The following MYO16 variants were observed in gnomAD, a reference collection of about 807,000 sequenced individuals.
MYO16 encodes the protein unconventional myosin-XVI.
Under a neutral mutation model 205.3 loss-of-function variants are expected in MYO16, and 94 were observed. The observed-to-expected ratio is 0.46, with a 90% CI of 0.39 to 0.54. The LOEUF (loss-of-function observed/expected upper bound fraction) is 0.54. MYO16 is among the 20% of genes least tolerant of loss of function. MYO16 has a pLI of 0.00. For synonymous variants in MYO16, 988 were observed against 954.0 expected, an observed-to-expected ratio of 1.04 and a Z score of -0.66; for missense variants, 2,315 against 2,387.5, an observed-to-expected ratio of 0.97 and a Z score of 0.63.
chr13:109,101,801 A>C (rs1888975899), intron 28 of MYO16: 1 of 152,222 alleles, frequency 6.6e-6, no homozygotes. Context: ...AGTAGACATA[A>C]ATTGCATCTT....
intron 28 of MYO16, among the ~76,000 whole-genome samples, chr13:109,113,984 G>T (rs1289569993): frequency 6.6e-6 from 1 of 152,204 alleles, no homozygotes; most frequent in Non-Finnish European, 1.5e-5. Flanking sequence ...CGAGCAGTCT[G>T]TATTGAAAGC....
intron 20 of MYO16, among the ~76,000 whole-genome samples, chr13:108,985,739 A>T (rs747033799): frequency 1.3e-5 from 2 of 152,198 alleles, no homozygotes; most frequent in African/African-American, 2.4e-5. Flanking sequence ...CACTATTCTA[A>T]CATCGTGTTT....
intron 4 of MYO16, among the ~76,000 whole-genome samples, chr13:108,743,511 G>T (rs1033265471): frequency 8.5e-5 from 13 of 152,198 alleles, no homozygotes; most frequent in African/African-American, 3.1e-4. Flanking sequence ...GTTGTAGGAG[G>T]AAATATTAGC....
At chr13:108,518,167 G>T in the MYO16 span, among the ~76,000 whole-genome samples, 2 of 152,166 alleles carry the variant, frequency 1.3e-5, no homozygotes, top group Non-Finnish European at 2.9e-5. Flanking sequence ...GGTTTACCGG[G>T]TAAAAGGGTA....
chr13:109,022,997 TTA>T (rs1220315847), intron 23 of MYO16, among the ~76,000 whole-genome samples: 1 of 135,122 alleles, frequency 7.4e-6, no homozygotes, highest in African/African-American at 2.7e-5. Context: ...TATTTATATA[TTA>T]TATATACACA....
At chr13:108,510,277 C>A in the MYO16 span, among the ~76,000 whole-genome samples, 336 of 151,924 alleles carry the variant, frequency 2.2e-3, 2 homozygotes, top group African/African-American at 7.3e-3. Flanking sequence ...CCATCACGCC[C>A]GGCTAATTTT....
intron 5 of MYO16, among the ~76,000 whole-genome samples, chr13:108,791,864 G>A (rs1260435984): frequency 6.6e-6 from 1 of 152,332 alleles, no homozygotes; most frequent in South Asian, 2.1e-4. Context: ...AGACAGTCAT[G>A]TTCAGGAGCA....
At chr13:108,976,946 A>G (rs369612397) in intron 20 of MYO16, among the ~76,000 whole-genome samples, 1 of 152,206 alleles carries the variant, frequency 6.6e-6, no homozygotes, top group African/African-American at 2.4e-5. Context: ...GATGATTACA[A>G]CTAAAAGCCA....
At chr13:108,572,350 T>C in the MYO16 span, among the ~76,000 whole-genome samples, 1 of 152,122 alleles carries the variant, frequency 6.6e-6, no homozygotes, top group African/African-American at 2.4e-5. Flanking sequence ...ATCTTTATCA[T>C]TTAAATAACT....
chr13:108,909,590 T>C (rs2139233093), intron 15 of MYO16, among the ~76,000 whole-genome samples: 1 of 151,968 alleles, frequency 6.6e-6, no homozygotes, highest in Non-Finnish European at 1.5e-5. Flanking sequence ...ATCTAGTTGC[T>C]GGGAATGCTT....
intron 33 of MYO16, 88 bp from the exon 34 acceptor site, chr13:109,179,454 A>T (rs1879361431): frequency 2.5e-6 from 2 of 804,260 alleles, no homozygotes; most frequent in Non-Finnish European, 4.3e-6. Context: ...AAAGATAACA[A>T]TTCTAGTTTA....
the MYO16 span, among the ~76,000 whole-genome samples, chr13:108,496,575 C>G: frequency 2.6e-5 from 4 of 152,212 alleles, no homozygotes; most frequent in Admixed American, 2.0e-4. Context: ...GCGCATCGCC[C>G]CGTCTTCCCT....
chr13:109,192,801 A>T (rs570179556), intron 34 of MYO16, among the ~76,000 whole-genome samples: 1 of 152,350 alleles, frequency 6.6e-6, no homozygotes, highest in Non-Finnish European at 1.5e-5. Context: ...TATGAGCAAG[A>T]AATATCCTTC....
At chr13:108,627,608 C>A (rs75267798), upstream of MYO16, among the ~76,000 whole-genome samples, 763 of 152,052 alleles carry the variant, frequency 5.0e-3, 8 homozygotes, top group African/African-American at 0.017. Flanking sequence ...ATAATGAGCC[C>A]CTGGAGATGA....
intron 16 of MYO16, among the ~76,000 whole-genome samples, chr13:108,945,601 T>C (rs1198049591): frequency 6.6e-6 from 1 of 152,054 alleles, no homozygotes; most frequent in Non-Finnish European, 1.5e-5. Context: ...TAACTAGGCA[T>C]TTTTACTCAG....
chr13:109,097,828 A>G (rs765427275), intron 27 of MYO16, among the ~76,000 whole-genome samples: 13 of 152,234 alleles, frequency 8.5e-5, no homozygotes, highest in Non-Finnish European at 1.6e-4. Context: ...ATGAGAAGAA[A>G]GGGTGGTTGC....
At chr13:109,081,274 C>T (rs892825382) in intron 27 of MYO16, among the ~76,000 whole-genome samples, 14 of 152,258 alleles carry the variant, frequency 9.2e-5, no homozygotes, top group African/African-American at 3.1e-4. Flanking sequence ...TAAAATACTG[C>T]ATGGTGCCTT....
intron 16 of MYO16, among the ~76,000 whole-genome samples, chr13:108,949,237 T>G (rs1883051391): frequency 6.6e-6 from 1 of 152,088 alleles, no homozygotes; most frequent in Non-Finnish European, 1.5e-5. Flanking sequence ...ATTTAGAAAC[T>G]TAGTCTAAAG....
intron 12 of MYO16, among the ~76,000 whole-genome samples, chr13:108,869,479 C>G (rs1878906722): frequency 6.6e-6 from 1 of 151,634 alleles, no homozygotes; most frequent in African/African-American, 2.4e-5. Flanking sequence ...AATCCCAGCA[C>G]TTTGGGAGGC....
Sources: allele counts gnomAD v4.1 joint callset (sites outside exome capture counted in the v4.1 genomes callset), GRCh38; gene constraint gnomAD v4.1.1; transcripts MANE v1.5; gene names NCBI Gene and HGNC (gene_info 2026-07-23, HGNC 2026-07-21).